DPP8: variants seen among roughly 807,000 people sequenced by gnomAD.
DPP8 encodes the protein DPP VIII.
DPP8 carries 31 observed loss-of-function variants against 107.5 expected under a neutral mutation model. The observed-to-expected ratio is 0.29, with a 90% CI of 0.22 to 0.39. The LOEUF (loss-of-function observed/expected upper bound fraction) is 0.39. DPP8 is among the 10% of genes least tolerant of loss of function. The probability of loss-of-function intolerance (pLI) is 1.00; values close to 1 mark genes in which losing one functional copy is unlikely to be tolerated. For missense variants in DPP8, 842 were observed against 1,076.1 expected (o/e 0.78, Z 3.04); for synonymous variants, 381 against 356.6 (o/e 1.07, Z -0.77).
At chr15:65,454,563 G>T in intron 16 of DPP8, 148 bp from the exon 17 acceptor site, 1 of 675,246 alleles carries the variant, frequency 1.5e-6, no homozygotes. Flanking sequence ...GTCTCACTCT[G>T]TCACCCAGGC....
intron 5 of DPP8, 27 bp downstream of exon 5, chr15:65,497,837 A>C (rs914793930): frequency 7.1e-7 from 1 of 1,417,920 alleles, no homozygotes; most frequent in Non-Finnish European, 9.3e-7. Flanking sequence ...CTGTTCAGAA[A>C]AGTAAATCTG....
intron 7 of DPP8, among the ~76,000 whole-genome samples, chr15:65,487,151 T>A (rs2067521680): frequency 6.6e-6 from 1 of 152,026 alleles, no homozygotes; most frequent in Non-Finnish European, 1.5e-5. Context: ...CAAAGACACC[T>A]TCTTTTTTTT....
At chr15:65,458,149 A>G (rs1231879832) in intron 15 of DPP8, among the ~76,000 whole-genome samples, 2 of 152,218 alleles carry the variant, frequency 1.3e-5, no homozygotes, top group African/African-American at 4.8e-5. Context: ...AGTCTCCTTC[A>G]GTATCAATTC....
chr15:65,464,214 T>C (rs2065150773), intron 14 of DPP8, among the ~76,000 whole-genome samples: 1 of 151,848 alleles, frequency 6.6e-6, no homozygotes, highest in Non-Finnish European at 1.5e-5. Context: ...ATACAAAAAA[T>C]TAGCTGGGCA....
chr15:65,459,205 C>G (rs2064708368), intron 15 of DPP8, among the ~76,000 whole-genome samples: 1 of 151,604 alleles, frequency 6.6e-6, no homozygotes, highest in Non-Finnish European at 1.5e-5. Context: ...GACACATGGT[C>G]TCACTCTCTT....
At chr15:65,503,447 CT>C (rs957538375) in intron 3 of DPP8, among the ~76,000 whole-genome samples, 75 of 144,670 alleles carry the variant, frequency 5.2e-4, no homozygotes, top group Admixed American at 5.5e-4. Context: ...TCTTTCTTTT[CT>C]TTTTTTTTTT....
chr15:65,497,538 G>A (rs1324009523), intron 5 of DPP8, among the ~76,000 whole-genome samples: 1 of 152,188 alleles, frequency 6.6e-6, no homozygotes, highest in African/African-American at 2.4e-5. Flanking sequence ...ACAGGCATGA[G>A]CCACCATGCC....
chr15:65,509,180 T>C (rs1416181562), intron 2 of DPP8, among the ~76,000 whole-genome samples: 7 of 152,216 alleles, frequency 4.6e-5, no homozygotes, highest in Non-Finnish European at 1.5e-5. Flanking sequence ...AAATCTACTT[T>C]GTAGATTCCC....
intron 19 of DPP8, among the ~76,000 whole-genome samples, chr15:65,450,570 A>C (rs994657388): frequency 4.6e-5 from 7 of 152,242 alleles, no homozygotes; most frequent in African/African-American, 1.7e-4. Context: ...AATGGAGGAG[A>C]GTAACTTGCT....
At chr15:65,458,313 T>TGCA (rs1372906393) in intron 15 of DPP8, among the ~76,000 whole-genome samples, 2 of 152,168 alleles carry the variant, frequency 1.3e-5, no homozygotes, top group Non-Finnish European at 2.9e-5. Context: ...CAGGCAGGAG[T>TGCA]GCAATGGCGT....
chr15:65,447,337 T>G (rs1833049117), intron 19 of DPP8, among the ~76,000 whole-genome samples: 1 of 152,166 alleles, frequency 6.6e-6, no homozygotes, highest in Non-Finnish European at 1.5e-5. Flanking sequence ...TTGCCTTTAC[T>G]TGTTGTGCCA....
rs1299342538 is a variant in DPP8 at position 65,443,095 on chromosome 15, T to A, written c.*3789A>T. On this transcript the variant is annotated 3_prime_UTR_variant, in exon 20 of 20. Transcript: ENST00000300141. ...CTAATCAGAAGTACTGCTTCATTAA[T>A]AAACATGCTTAGCATTTACTTTGGA... The A allele has an allele frequency of 6.6e-6, 1 of 152,236 alleles. No homozygotes were observed. The highest frequency in any genetic ancestry group is 1.5e-5 in the Non-Finnish European group (1 of 68,052). The allele number at this position is 152,236 out of a possible 1,614,324, so 9.4% of individuals were successfully genotyped here.
chr15:65,464,893 G>C (rs1052830488), intron 14 of DPP8, among the ~76,000 whole-genome samples: 2 of 152,032 alleles, frequency 1.3e-5, no homozygotes, highest in African/African-American at 4.8e-5. Flanking sequence ...GCTGGGTGGG[G>C]GGGTGAGGTA....
intron 6 of DPP8, 131 bp downstream of exon 6, chr15:65,490,055 AATC>A (rs2067871494): frequency 6.4e-6 from 4 of 628,344 alleles, no homozygotes; most frequent in Non-Finnish European, 8.4e-6. Flanking sequence ...GGCATGAATC[AATC>A]ATCATCACTT....
In DPP8 at chr15:65,454,397, C is replaced by A. The variant is rs2140360975; in HGVS notation, c.2137G>T (p.Asp713Tyr). 8.1e-6 allele frequency: 13 copies of A among 1,595,704 alleles called. No homozygotes were observed. The highest frequency in any genetic ancestry group is 1.2e-5 in the South Asian group (1 of 86,520). The change falls in exon 17 of 20, where the codon GAT becomes TAT. Residue 713 changes from aspartate (D) to tyrosine (Y), a missense_variant. By Grantham distance (160) the Asp-to-Tyr change is radical. This residue lies in a region of DPP8 where 179 missense variants were observed against 318.0 expected (regional missense o/e 0.56). Coordinates refer to ENST00000300141, the MANE Select transcript of DPP8 (RefSeq NM_130434.5). ...AGATATTGGAGTCCTTCCACCTGAT[C>A]GTCAATTTCTATTTGACCCTGTCAA... ...KYKMGQIEID[D>Y]QVEGLQYLAS... is the part of the protein sequence containing the mutation.
chr15:65,474,705 A>G (rs2066223313), intron 11 of DPP8, among the ~76,000 whole-genome samples: 1 of 152,214 alleles, frequency 6.6e-6, no homozygotes, highest in East Asian at 1.9e-4. Context: ...CTGCTGGCCT[A>G]AAGCCCCCTG....
chr15:65,478,510 T>C (rs1206248617), intron 11 of DPP8, among the ~76,000 whole-genome samples: 1 of 152,210 alleles, frequency 6.6e-6, no homozygotes, highest in Admixed American at 6.5e-5. Context: ...TCCGCCTGCC[T>C]TGGCCTCCCA....
intron 18 of DPP8, 90 bp from the exon 19 acceptor site, chr15:65,451,200 A>T (rs1292436024): frequency 1.8e-5 from 14 of 774,058 alleles, no homozygotes; most frequent in Non-Finnish European, 2.9e-5. Context: ...TAACCATATT[A>T]ACTTCCTTAT....
intron 1 of DPP8, chr15:65,512,917 G>A (rs1001031362): frequency 1.8e-5 from 4 of 225,404 alleles, no homozygotes; most frequent in African/African-American, 9.2e-5. Context: ...CTCCACCCAA[G>A]AGCACGTCAA....
Sources: allele counts gnomAD v4.1 joint callset (sites outside exome capture counted in the v4.1 genomes callset), GRCh38; gene constraint gnomAD v4.1.1; regional missense constraint gnomAD v4.1.1; transcripts MANE v1.5; gene names NCBI Gene and HGNC (gene_info 2026-07-23, HGNC 2026-07-21).